Variants in ATG3 observed in about 807,000 individuals in gnomAD.
ATG3 encodes autophagy related 3, also known as ubiquitin-like-conjugating enzyme ATG3.
Under a neutral mutation model 50.7 loss-of-function variants are expected in ATG3, and 25 were observed. The observed-to-expected ratio is 0.49, with a 90% CI of 0.36 to 0.69. The LOEUF is 0.69. Ranked by LOEUF, ATG3 falls within the 30% of genes least tolerant of loss-of-function variation. The pLI is 0.00. For missense variants in ATG3, 281 were observed against 376.0 expected (o/e 0.75, Z 2.09); for synonymous variants, 119 against 125.5 (o/e 0.95, Z 0.34).
intron 2 of ATG3, among the ~76,000 whole-genome samples, chr3:112,553,691 T>C (rs1226031073): frequency 1.3e-5 from 2 of 152,148 alleles, no homozygotes; most frequent in Admixed American, 6.5e-5. Context: ...ATTTTAAGGA[T>C]ACAAAAATGT....
chr3:112,558,524 T>A, intron 1 of ATG3, 107 bp from the exon 2 acceptor site: 2 of 841,902 alleles, frequency 2.4e-6, no homozygotes, highest in Admixed American at 2.2e-5. Context: ...ATAGAGCACA[T>A]ACAAAAAAAA....
At chr3:112,554,231 A>G (rs1933603435) in intron 2 of ATG3, among the ~76,000 whole-genome samples, 1 of 152,226 alleles carries the variant, frequency 6.6e-6, no homozygotes. Context: ...CTAAGCCATC[A>G]TATACCCTGT....
intron 10 of ATG3, chr3:112,534,600 G>T: frequency 4.9e-6 from 1 of 202,688 alleles, no homozygotes; most frequent in Non-Finnish European, 9.8e-6. Context: ...TTTACCAGGG[G>T]AGGGCATAAT....
At chr3:112,553,362 G>T in intron 2 of ATG3, 33 bp from the exon 3 acceptor site, 2 of 1,595,612 alleles carry the variant, frequency 1.3e-6, no homozygotes, top group South Asian at 2.2e-5. Context: ...ATGAAAAAAA[G>T]GAAAAAGAAA....
At chr3:112,540,328 T>C (rs1315113981) in intron 7 of ATG3, among the ~76,000 whole-genome samples, 1 of 152,212 alleles carries the variant, frequency 6.6e-6, no homozygotes, top group African/African-American at 2.4e-5. Flanking sequence ...TCAACTCTAC[T>C]TGGCACCATC....
chr3:112,558,068 T>C (rs1933737676), intron 2 of ATG3: 2 of 277,550 alleles, frequency 7.2e-6, no homozygotes, highest in Non-Finnish European at 1.3e-5. Flanking sequence ...TTACAGAGCT[T>C]ACTGCACAGC....
At chr3:112,560,935 T>C (rs555779311) in intron 1 of ATG3, among the ~76,000 whole-genome samples, 1 of 152,300 alleles carries the variant, frequency 6.6e-6, no homozygotes, top group Admixed American at 6.5e-5. Context: ...CTGAATGAGA[T>C]AATGTTGCCA....
At position 112,544,063 on chromosome 3, in the gene ATG3, T is replaced by C; in HGVS notation, c.387A>G (p.Glu129=). The C allele has an allele frequency of 6.3e-7, 1 of 1,597,434 alleles. No individual in the cohort carries two copies. The highest frequency in any genetic ancestry group is 2.2e-5 in the East Asian group (1 of 44,680). Residue 129 remains glutamate (E), a synonymous_variant, in exon 6 of 12, where the codon GAA becomes GAG. Coordinates refer to ENST00000283290, the MANE Select transcript of ATG3 (RefSeq NM_022488.5). The part of the protein sequence containing the change: ...ITEAVKEITL[E]NKDNIRLQDC... Reference sequence around the variant, plus strand: ...ATAACTAATTAACCAGTACCTTATTTTCCAGTGTGATCTCTTTAACGGCTT... The same window carrying C: ...ATAACTAATTAACCAGTACCTTATTCTCCAGTGTGATCTCTTTAACGGCTT...
chr3:112,538,680 T>C (rs923586918), intron 7 of ATG3, among the ~76,000 whole-genome samples: 1 of 152,224 alleles, frequency 6.6e-6, no homozygotes, highest in Non-Finnish European at 1.5e-5. Flanking sequence ...AAAAGAACCA[T>C]AAAATCAAAC....
chr3:112,547,615 G>A (rs2638023), intron 5 of ATG3, among the ~76,000 whole-genome samples: 5,534 of 152,222 alleles, frequency 0.036, 255 homozygotes, highest in East Asian at 0.19. Flanking sequence ...CAGTGTTTTA[G>A]GACTTAGAAT....
At chr3:112,544,637 A>T (rs1391522206) in intron 5 of ATG3, among the ~76,000 whole-genome samples, 2 of 103,752 alleles carry the variant, frequency 1.9e-5, no homozygotes, top group Non-Finnish European at 3.9e-5. Context: ...CTGGGCGACA[A>T]GAGCGAAACT....
chr3:112,544,969 A>G (rs1308716510), intron 5 of ATG3, among the ~76,000 whole-genome samples: 1 of 152,174 alleles, frequency 6.6e-6, no homozygotes, highest in Admixed American at 6.5e-5. Flanking sequence ...GGATTTTTGG[A>G]TTAGGGATAC....
chr3:112,554,737 A>G (rs1457323611), intron 2 of ATG3, among the ~76,000 whole-genome samples: 2 of 152,146 alleles, frequency 1.3e-5, no homozygotes, highest in Non-Finnish European at 2.9e-5. Flanking sequence ...AATCTCTAAT[A>G]CCTTTGAGAA....
rs78849600 is a variant in ATG3 at position 112,555,619 on chromosome 3, C to G, written c.115-2290G>C. ...CCTCTGAATGAAAACAAAAAGATAG[C>G]TGATGTCTGGCAGAAACTCAGAAAC... On this transcript the variant is annotated intron_variant, in intron 2 of 11. Transcript: ENST00000283290. 3.2e-3 allele frequency among the ~76,000 whole-genome samples: 489 copies of G among 152,278 alleles called. 18 individuals are homozygous for G. In the East Asian group the frequency reaches 0.079, roughly 25 times the overall value.
intron 10 of ATG3, chr3:112,535,717 GGAAGA>G (rs1428512668): frequency 2.0e-5 from 3 of 152,080 alleles, no homozygotes; most frequent in Admixed American, 6.5e-5. Context: ...TTAACTAGAG[GGAAGA>G]GAAAACAAAA....
At position 112,533,096 on chromosome 3, in the gene ATG3, T is replaced by C. The variant is rs569212383; in HGVS notation, c.864-316A>G. On this transcript the variant is annotated intron_variant, in intron 11 of 11. Coordinates refer to ENST00000283290, the MANE Select transcript of ATG3 (RefSeq NM_022488.5). The stretch of plus-strand genomic sequence containing the variant: ...ATGAGTACAAAATGTACTCATTTAC[T>C]AGACTCCTTTAAGTTTGCTAGAGTT... The C allele has an allele frequency of 1.8e-4, 179 of 1,005,174 alleles. 2 individuals carry two copies. The highest frequency in any genetic ancestry group is 5.0e-4 in the Middle Eastern group (1 of 2,008). The allele number at this position is 1,005,174 out of a possible 1,614,324, so 62.3% of individuals were successfully genotyped here. A position where few individuals can be genotyped will look rare whatever the true frequency, so the allele number is the denominator to read the frequency against.
intron 8 of ATG3, 25 bp from the exon 9 acceptor site, chr3:112,537,915 T>C: frequency 6.4e-7 from 1 of 1,559,942 alleles, no homozygotes; most frequent in Non-Finnish European, 8.7e-7. Flanking sequence ...AGAGAAAAAT[T>C]TACAACCATT....
chr3:112,561,876 CTT>C lies in ATG3; in HGVS notation c.-350_-349del. 3.5e-6 allele frequency: 1 copy of C among 283,318 alleles called. No individual in the cohort carries two copies. The highest frequency in any genetic ancestry group is 6.7e-6 in the Non-Finnish European group (1 of 150,090). 17.6% of individuals were successfully genotyped at this position (283,318 alleles called of 1,614,324 possible). ...GCCCTCTGCGAGCTGTCTGTCCTCG[CTT>C]TGCTTCACTCGCGCCCCTTCCGGCT... is the stretch of plus-strand genomic sequence containing the variant. On this transcript the variant is annotated 5_prime_UTR_variant, in exon 1 of 12. Transcript: ENST00000283290.
chr3:112,560,358 T>C (rs938274241), intron 1 of ATG3, among the ~76,000 whole-genome samples: 1 of 152,362 alleles, frequency 6.6e-6, no homozygotes, highest in Non-Finnish European at 1.5e-5. Flanking sequence ...AAAGCAACAG[T>C]TGAAATTCTC....
Sources: allele counts gnomAD v4.1 joint callset (sites outside exome capture counted in the v4.1 genomes callset), GRCh38; gene constraint gnomAD v4.1.1; transcripts MANE v1.5; gene names NCBI Gene and HGNC (gene_info 2026-07-23, HGNC 2026-07-21).